The following MCTP2 variants were observed in gnomAD, a reference collection of about 807,000 sequenced individuals.
MCTP2 encodes the protein multiple C2 and transmembrane domain containing 2, also known as multiple C2 and transmembrane domain-containing protein 2.
A neutral mutation model predicts 111.6 loss-of-function variants in MCTP2; 132 were observed. The observed-to-expected ratio is 1.18, with a 90% CI of 1.03 to 1.37. The LOEUF is 1.37. Ranked by LOEUF, MCTP2 falls within the 40% of genes most tolerant of loss-of-function variation. MCTP2 has a pLI of 0.00. For synonymous variants in MCTP2, 395 were observed against 387.7 expected (o/e 1.02, Z -0.22); for missense variants, 1,183 against 1,067.9 (o/e 1.11, Z -1.50).
intron 4 of MCTP2, 91 bp from the exon 5 acceptor site, chr15:94,339,199 T>C: frequency 1.1e-6 from 1 of 916,856 alleles, no homozygotes; most frequent in Non-Finnish European, 1.6e-6. Context: ...GACATTAGCC[T>C]GGGGAGTGGG....
At chr15:94,308,327 T>C (rs294540) in intron 2 of MCTP2, among the ~76,000 whole-genome samples, 129,685 of 152,176 alleles carry the variant, frequency 0.85, 55,649 homozygotes, top group African/African-American at 0.92. Flanking sequence ...GTACAGCTGC[T>C]TCCTGGTCAG....
intron 4 of MCTP2, among the ~76,000 whole-genome samples, chr15:94,322,214 G>C (rs1318937047): frequency 6.6e-6 from 1 of 152,060 alleles, no homozygotes; most frequent in Non-Finnish European, 1.5e-5. Flanking sequence ...GGCTCCTTCA[G>C]AGTTATTCAA....
rs560843606 is a variant in MCTP2, at chr15:94,401,596, A to G, written c.1966-304A>G. ...CCTCTGCATGTGTCTTTCTCACACA[A>G]ATTCACCAACATTAAATACCTGGCT... On this transcript the variant is annotated intron_variant, in intron 16 of 22. Coordinates refer to ENST00000357742, the MANE Select transcript of MCTP2 (RefSeq NM_001385001.1). Among the ~76,000 whole-genome samples, 6 of 152,156 alleles carry G rather than the reference A, an allele frequency of 3.9e-5. No individual in the cohort carries two copies. The South Asian group carries it at 1.2e-3, about 32-fold the overall frequency.
chr15:94,243,486 T>C (rs2071284336), intron 1 of MCTP2, among the ~76,000 whole-genome samples: 1 of 148,250 alleles, frequency 6.7e-6, no homozygotes. Context: ...TGTACACACA[T>C]ACGTATGCGT....
chr15:94,294,849 G>A (rs1037287216), intron 1 of MCTP2, among the ~76,000 whole-genome samples: 1 of 150,582 alleles, frequency 6.6e-6, no homozygotes, highest in Non-Finnish European at 1.5e-5. Context: ...TGGGACTCAC[G>A]TTCATCTCCT....
intron 19 of MCTP2, among the ~76,000 whole-genome samples, chr15:94,448,428 C>T (rs959959731): frequency 3.9e-5 from 6 of 152,180 alleles, no homozygotes; most frequent in African/African-American, 1.2e-4. Context: ...GACCAAATTT[C>T]GTCAGAGGCG....
intron 12 of MCTP2, among the ~76,000 whole-genome samples, chr15:94,382,755 A>G (rs928823489): frequency 6.6e-6 from 1 of 152,272 alleles, no homozygotes; most frequent in Non-Finnish European, 1.5e-5. Context: ...ATTTGTTGGA[A>G]CAGCGTCTGT....
At chr15:94,451,368 T>C (rs2084451430) in intron 19 of MCTP2, among the ~76,000 whole-genome samples, 1 of 152,232 alleles carries the variant, frequency 6.6e-6, no homozygotes, top group Non-Finnish European at 1.5e-5. Context: ...GCAGGCTTGC[T>C]CACAAAGTAG....
chr15:94,305,154 G>T (rs189486749), intron 2 of MCTP2, among the ~76,000 whole-genome samples: 1 of 152,236 alleles, frequency 6.6e-6, no homozygotes, highest in East Asian at 1.9e-4. Flanking sequence ...AAGGATAAGT[G>T]AGGTCAGAAG....
chr15:94,251,643 G>A (rs1437948546), intron 1 of MCTP2, among the ~76,000 whole-genome samples: 1 of 152,180 alleles, frequency 6.6e-6, no homozygotes, highest in Non-Finnish European at 1.5e-5. Context: ...ATAGGCGTGA[G>A]CCACCACACC....
Position 94,345,117 on chromosome 15 carries a change from A to T in MCTP2, c.970-12A>T. 6.2e-7 allele frequency: 1 copy of T among 1,612,598 alleles called. No individual in the cohort carries two copies. Among genetic ancestry groups the T allele is most frequent in the Non-Finnish European group, 8.5e-7 (1 of 1,178,948 alleles). On this transcript the variant is annotated splice_polypyrimidine_tract_variant and intron_variant, in intron 7 of 22. Transcript: ENST00000357742. ...TTGCCATTTTCACCATTCCGCGGAC[A>T]CAAATCTTTAGCGTTGGTCAAATCG... is the stretch of plus-strand genomic sequence containing the variant.
intron 8 of MCTP2, among the ~76,000 whole-genome samples, chr15:94,350,496 G>T (rs1023530204): frequency 3.3e-5 from 5 of 152,094 alleles, no homozygotes; most frequent in Non-Finnish European, 5.9e-5. Flanking sequence ...CTTGAACCTG[G>T]GAGGCAGATG....
At chr15:94,390,065 T>TACAC in intron 14 of MCTP2, among the ~76,000 whole-genome samples, 1 of 9,894 alleles carries the variant, frequency 1.0e-4, no homozygotes, top group African/African-American at 2.1e-4. Context: ...TATATATATA[T>TACAC]ATATATATAT....
chr15:94,478,868 C>A (rs1596882395), intron 22 of MCTP2, 98 bp from the exon 23 acceptor site: 2 of 953,038 alleles, frequency 2.1e-6, no homozygotes, highest in East Asian at 5.1e-5. Flanking sequence ...TTGAACCTTC[C>A]TTCCTTTGCC....
At chr15:94,395,786 C>G (rs903431241) in intron 14 of MCTP2, among the ~76,000 whole-genome samples, 2 of 152,070 alleles carry the variant, frequency 1.3e-5, no homozygotes, top group Non-Finnish European at 2.9e-5. Context: ...AAATTTTCAG[C>G]AAGACTGTCT....
chr15:94,270,607 T>A (rs1028077859), intron 1 of MCTP2, among the ~76,000 whole-genome samples: 1 of 151,986 alleles, frequency 6.6e-6, no homozygotes, highest in Non-Finnish European at 1.5e-5. Flanking sequence ...TTTCTCCATC[T>A]CCCCAGGTGG....
chr15:94,298,284 T>C lies in MCTP2; in HGVS notation c.19T>C (p.Ser7Pro), dbSNP rs761478276. Reference sequence around the variant, plus strand: ...TGCAGCCATGGATCTGGATAAACCATCTGTTTGGGGCTCATTAAAACAGCG... The same window carrying C: ...TGCAGCCATGGATCTGGATAAACCACCTGTTTGGGGCTCATTAAAACAGCG... Reference protein sequence around the residue: MDLDKPSVWGSLKQRTR... With the variant: MDLDKPPVWGSLKQRTR... Residue 7 changes from serine (S) to proline (P), a missense_variant, in exon 2 of 23, where the codon TCT (serine) becomes CCT (proline). Transcript: ENST00000357742. The C allele has an allele frequency of 2.9e-5, 47 of 1,612,230 alleles. 1 individual carries two copies. The South Asian group carries it at 4.6e-4, about 16-fold the overall frequency.
intron 22 of MCTP2, among the ~76,000 whole-genome samples, chr15:94,478,303 G>A (rs968799891): frequency 5.3e-5 from 8 of 152,228 alleles, no homozygotes; most frequent in African/African-American, 1.9e-4. Context: ...TGAACACAGA[G>A]AGATGCAGCA....
chr15:94,442,999 T>A (rs200235871), intron 19 of MCTP2, 39 bp downstream of exon 19: 3 of 1,581,346 alleles, frequency 1.9e-6, no homozygotes, highest in Non-Finnish European at 2.6e-6. Context: ...AAAAAAACAC[T>A]AGTGTTGTCA....
Sources: allele counts gnomAD v4.1 joint callset (sites outside exome capture counted in the v4.1 genomes callset), GRCh38; gene constraint gnomAD v4.1.1; transcripts MANE v1.5; gene names NCBI Gene and HGNC (gene_info 2026-07-23, HGNC 2026-07-21).